The following DCP1A variants were observed in gnomAD, a reference collection of about 807,000 sequenced individuals.
The protein encoded by DCP1A is decapping mRNA 1A.
A neutral mutation model predicts 58.0 loss-of-function variants in DCP1A; 20 were observed. The observed-to-expected ratio is 0.34, with a 90% CI of 0.24 to 0.50. The LOEUF is 0.50. Ranked by LOEUF, DCP1A falls within the 20% of genes least tolerant of loss-of-function variation. DCP1A has a pLI of 0.98. For synonymous variants in DCP1A, 285 were observed against 275.1 expected (o/e 1.04, Z -0.36); for missense variants, 613 against 712.2 (o/e 0.86, Z 1.59).
At position 53,334,912 on chromosome 3, in the gene DCP1A, GT is replaced by G. The variant is rs1327774697; in HGVS notation, c.304+7231del. Among the ~76,000 whole-genome samples, 744 of 146,038 alleles carry G rather than the reference GT, an allele frequency of 5.1e-3. 7 individuals carry two copies. The highest frequency in any genetic ancestry group is 0.017 in the African/African-American group (666 of 40,096). The stretch of plus-strand genomic sequence containing the variant: ...GTTCTCTTCGATTACTGAATTATTG[GT>G]TTTTTTTTTTCTTCAGTCCTCTCAA... On this transcript the variant is annotated intron_variant, in intron 3 of 9. Transcript: ENST00000610213.
chr3:53,336,885 T>TATTG (rs1221747280), intron 3 of DCP1A, among the ~76,000 whole-genome samples: 8 of 148,110 alleles, frequency 5.4e-5, no homozygotes, highest in East Asian at 3.9e-4. Context: ...TTTATTTATT[T>TATTG]ATTGAGATGG....
rs1706542344 is a variant in DCP1A at position 53,284,266 on chromosome 3, T to G, written c.*3314A>C. ...GAGCAGTTAGGCACCTTCAATTTCA[T>G]GTTGCATTATTAGTAATACAATGGC... On this transcript the variant is annotated 3_prime_UTR_variant, in exon 10 of 10. Transcript: ENST00000610213. 1.3e-5 allele frequency: 2 copies of G among 152,216 alleles called. No individual in the cohort carries two copies. The allele number at this position is 152,216 out of a possible 1,614,324, so 9.4% of individuals were successfully genotyped here. A position where few individuals can be genotyped will look rare whatever the true frequency, so the allele number is the denominator to read the frequency against.
At chr3:53,294,580 T>C (rs782783694) in intron 6 of DCP1A, among the ~76,000 whole-genome samples, 1 of 152,150 alleles carries the variant, frequency 6.6e-6, no homozygotes, top group Non-Finnish European at 1.5e-5. Context: ...ACAAAGATGG[T>C]AATACAAGTC....
intron 3 of DCP1A, among the ~76,000 whole-genome samples, chr3:53,323,856 T>C (rs1177270845): frequency 3.0e-5 from 4 of 134,220 alleles, no homozygotes; most frequent in African/African-American, 1.1e-4. Flanking sequence ...AACAAGACTC[T>C]GTCTCAAAAA....
At chr3:53,311,021 T>A (rs1707627469) in intron 5 of DCP1A, among the ~76,000 whole-genome samples, 1 of 152,226 alleles carries the variant, frequency 6.6e-6, no homozygotes. Flanking sequence ...TTGGTGTTAT[T>A]GTTTTACTTA....
At chr3:53,324,152 A>C (rs1017930418) in intron 3 of DCP1A, among the ~76,000 whole-genome samples, 1 of 152,230 alleles carries the variant, frequency 6.6e-6, no homozygotes, top group African/African-American at 2.4e-5. Context: ...AACTGCCTAA[A>C]AAGAGCCAAA....
intron 2 of DCP1A, among the ~76,000 whole-genome samples, chr3:53,344,018 A>T (rs1202728194): frequency 6.6e-6 from 1 of 152,240 alleles, no homozygotes; most frequent in Non-Finnish European, 1.5e-5. Context: ...TTAAAAGAAG[A>T]AAAAAATGAG....
intron 5 of DCP1A, among the ~76,000 whole-genome samples, chr3:53,308,168 T>A (rs893115542): frequency 2.2e-4 from 34 of 152,188 alleles, no homozygotes; most frequent in African/African-American, 8.2e-4. Context: ...TTCTTTTTGT[T>A]TACTGTAATT....
chr3:53,288,266 C>A lies in DCP1A; in HGVS notation c.1467G>T (p.Leu489=). ...SSAIPVAGAP[L]VTATTTAVSS... ...ACACTGCAGTGGTCGTTGCAGTAAC[C>A]AGTGGGGCGCCTGCAACCTGGAGAG... The change falls in exon 9 of 10, where the codon CTG becomes CTT. Residue 489 remains leucine, a synonymous_variant. Transcript: ENST00000610213. 6.2e-7 allele frequency: 1 copy of A among 1,610,902 alleles called. No homozygotes were observed. Among genetic ancestry groups the A allele is most frequent in the East Asian group, 2.2e-5 (1 of 44,776 alleles).
At chr3:53,315,752 T>TG (rs1387074512) in intron 4 of DCP1A, among the ~76,000 whole-genome samples, 24 of 107,946 alleles carry the variant, frequency 2.2e-4, no homozygotes, top group Non-Finnish European at 3.5e-4. Context: ...TTGTTTTTTT[T>TG]TTTTGTTTTT....
At chr3:53,294,917 C>A (rs1479315817) in intron 6 of DCP1A, among the ~76,000 whole-genome samples, 1 of 152,236 alleles carries the variant, frequency 6.6e-6, no homozygotes, top group Non-Finnish European at 1.5e-5. Flanking sequence ...TGCTCTTGGA[C>A]TTGCCTACCC....
chr3:53,287,525 G>T lies in DCP1A; in HGVS notation c.*55C>A. On this transcript the variant is annotated 3_prime_UTR_variant, in exon 10 of 10. Coordinates refer to ENST00000610213, the MANE Select transcript of DCP1A (RefSeq NM_018403.7). ...TGTTCTGCTCAGAAGTTTCCATGAT[G>T]AAGCCTATTTGTCTCTGAGGCTGGG... The T allele has an allele frequency of 8.3e-7, 1 of 1,210,206 alleles. No individual in the cohort carries two copies. The allele number at this position is 1,210,206 out of a possible 1,614,324, so 75.0% of individuals were successfully genotyped here.
At chr3:53,345,665 C>G (rs2089282993) in intron 1 of DCP1A, among the ~76,000 whole-genome samples, 2 of 152,048 alleles carry the variant, frequency 1.3e-5, no homozygotes, top group South Asian at 4.1e-4. Context: ...GTAATCAACG[C>G]ATTATTAACA....
intron 6 of DCP1A, among the ~76,000 whole-genome samples, chr3:53,302,782 C>A (rs1553687549): frequency 6.6e-6 from 1 of 151,976 alleles, no homozygotes; most frequent in East Asian, 1.9e-4. Context: ...TATTACCACA[C>A]CCGGCTAATT....
intron 3 of DCP1A, 90 bp downstream of exon 3, chr3:53,342,054 G>C (rs13077680): frequency 0.14 from 163,267 of 1,174,724 alleles, 13,257 homozygotes; most frequent in Non-Finnish European, 0.16. Flanking sequence ...ATTTTGTTTT[G>C]TAATTTGAAA....
intron 4 of DCP1A, among the ~76,000 whole-genome samples, chr3:53,313,291 C>T (rs917859099): frequency 6.6e-6 from 1 of 152,072 alleles, no homozygotes; most frequent in Non-Finnish European, 1.5e-5. Context: ...TAGTGGTACA[C>T]GCCTGTAGTC....
At chr3:53,330,491 T>C (rs549363023) in intron 3 of DCP1A, among the ~76,000 whole-genome samples, 8 of 149,712 alleles carry the variant, frequency 5.3e-5, no homozygotes, top group African/African-American at 1.5e-4. Context: ...TTGGACACTA[T>C]AGCCTGGGCA....
intron 5 of DCP1A, among the ~76,000 whole-genome samples, chr3:53,307,591 G>C (rs1404870478): frequency 6.6e-6 from 1 of 152,172 alleles, no homozygotes; most frequent in African/African-American, 2.4e-5. Context: ...AGAATTTAAT[G>C]TATTTCTGAT....
At chr3:53,320,383 G>A (rs1553689766) in intron 3 of DCP1A, among the ~76,000 whole-genome samples, 1 of 74,298 alleles carries the variant, frequency 1.3e-5, no homozygotes, top group Non-Finnish European at 3.6e-5. Flanking sequence ...TTTGGATAAG[G>A]TAGAGTAGAA....
Sources: gnomAD v4.1 joint callset for allele counts (sites outside exome capture counted in the v4.1 genomes callset) on GRCh38, gnomAD v4.1.1 for gene constraint, MANE v1.5 for transcripts, NCBI Gene and HGNC (gene_info 2026-07-23, HGNC 2026-07-21) for gene names.